The following RGS6 variants were observed in gnomAD, a reference collection of about 807,000 sequenced individuals.
RGS6 encodes the protein regulator of G-protein signaling 6.
Under a neutral mutation model 78.5 loss-of-function variants are expected in RGS6, and 30 were observed. The ratio of observed to expected loss-of-function variants is 0.38; its 90% CI spans 0.29 to 0.52. RGS6 has a LOEUF of 0.52. Among genes scored for constraint, RGS6 ranks in the 20% least tolerant of loss-of-function variants. RGS6 has a pLI of 0.85. For synonymous variants in RGS6, 206 were observed against 206.0 expected, an observed-to-expected ratio of 1.00 and a Z score of 0.00; for missense variants, 495 against 609.7, an observed-to-expected ratio of 0.81 and a Z score of 1.98.
At chr14:72,052,502 C>G (rs2093310298) in intron 2 of RGS6, among the ~76,000 whole-genome samples, 1 of 152,184 alleles carries the variant, frequency 6.6e-6, no homozygotes, top group African/African-American at 2.4e-5. Context: ...CTTTCTGGAT[C>G]TACTTGTTTC....
chr14:71,886,098 C>T, the RGS6 span, among the ~76,000 whole-genome samples: 1 of 152,066 alleles, frequency 6.6e-6, no homozygotes, highest in Admixed American at 6.6e-5. Flanking sequence ...CATATCATCC[C>T]TTGCTTGTCA....
At chr14:71,961,396 T>C (rs4902959) in intron 1 of RGS6, among the ~76,000 whole-genome samples, 143,109 of 152,248 alleles carry the variant, frequency 0.94, 67,362 homozygotes, top group East Asian at 0.99. Context: ...GTTCTGATAG[T>C]TGGTTAGTTG....
chr14:71,913,644 G>A, the RGS6 span, among the ~76,000 whole-genome samples: 3 of 152,194 alleles, frequency 2.0e-5, no homozygotes, highest in African/African-American at 7.2e-5. Flanking sequence ...TGAGACTTAC[G>A]AAGGAAGTGA....
At chr14:71,891,611 C>A in the RGS6 span, among the ~76,000 whole-genome samples, 2 of 152,178 alleles carry the variant, frequency 1.3e-5, no homozygotes, top group Non-Finnish European at 1.5e-5. Context: ...GGCCCACCCA[C>A]CCTCAAGGGG....
At chr14:72,094,492 C>T (rs991751561) in intron 2 of RGS6, among the ~76,000 whole-genome samples, 5 of 152,124 alleles carry the variant, frequency 3.3e-5, no homozygotes, top group Admixed American at 2.6e-4. Context: ...AGGGATCTTA[C>T]TGTATTTGCA....
intron 2 of RGS6, among the ~76,000 whole-genome samples, chr14:72,072,529 G>C (rs189889389): frequency 6.6e-6 from 1 of 151,942 alleles, no homozygotes; most frequent in South Asian, 2.1e-4. Context: ...GGATGGTGTC[G>C]ATCTCCTGAC....
downstream of RGS6, among the ~76,000 whole-genome samples, chr14:72,569,723 T>C (rs77205409): frequency 0.14 from 21,175 of 151,678 alleles, 2,663 homozygotes; most frequent in African/African-American, 0.33. Context: ...AGGGAACGAA[T>C]GAACAAGGAG....
At chr14:71,887,978 A>G in the RGS6 span, among the ~76,000 whole-genome samples, 1 of 152,018 alleles carries the variant, frequency 6.6e-6, no homozygotes, top group East Asian at 1.9e-4. Context: ...CTGGTCTGAG[A>G]CTCAAGCGGG....
At chr14:72,470,659 C>T (rs569172310) in intron 8 of RGS6, among the ~76,000 whole-genome samples, 1 of 151,940 alleles carries the variant, frequency 6.6e-6, no homozygotes, top group African/African-American at 2.4e-5. Flanking sequence ...GGGGGTGGAT[C>T]ACCTGAGGTC....
intron 2 of RGS6, among the ~76,000 whole-genome samples, chr14:72,147,620 C>T (rs2096622893): frequency 6.6e-6 from 1 of 152,166 alleles, no homozygotes; most frequent in Non-Finnish European, 1.5e-5. Flanking sequence ...TTGGAGAACA[C>T]ATTCAAATCG....
chr14:72,310,271 C>T (rs931453640), intron 2 of RGS6, among the ~76,000 whole-genome samples: 1 of 152,250 alleles, frequency 6.6e-6, no homozygotes, highest in African/African-American at 2.4e-5. Flanking sequence ...GATACAGCAG[C>T]AGCGGCGTCA....
the RGS6 span, among the ~76,000 whole-genome samples, chr14:72,616,520 A>G: frequency 5.9e-5 from 9 of 152,188 alleles, no homozygotes; most frequent in East Asian, 9.6e-4. Flanking sequence ...GAAGGCGGAC[A>G]TGGAAAACAT....
chr14:72,322,224 A>C (rs1174108336), intron 2 of RGS6, among the ~76,000 whole-genome samples: 1 of 152,064 alleles, frequency 6.6e-6, no homozygotes, highest in Non-Finnish European at 1.5e-5. Flanking sequence ...ATAAAAGCAG[A>C]AAATAGGAAA....
At chr14:72,057,103 C>T (rs1203188444) in intron 2 of RGS6, among the ~76,000 whole-genome samples, 1 of 151,944 alleles carries the variant, frequency 6.6e-6, no homozygotes, top group Non-Finnish European at 1.5e-5. Context: ...CACTTGAGGT[C>T]AGGAGTTCGA....
At chr14:72,103,553 A>G (rs2095569463) in intron 2 of RGS6, among the ~76,000 whole-genome samples, 1 of 152,230 alleles carries the variant, frequency 6.6e-6, no homozygotes, top group Non-Finnish European at 1.5e-5. Context: ...TTGTATATGC[A>G]ACAACTTAGG....
intron 2 of RGS6, among the ~76,000 whole-genome samples, chr14:72,302,897 C>T (rs937445377): frequency 2.0e-5 from 3 of 152,130 alleles, no homozygotes; most frequent in Non-Finnish European, 1.5e-5. Context: ...ATGCTGTTCT[C>T]GTGATAGTGA....
At chr14:71,904,002 T>G in the RGS6 span, among the ~76,000 whole-genome samples, 1 of 152,290 alleles carries the variant, frequency 6.6e-6, no homozygotes, top group South Asian at 2.1e-4. Flanking sequence ...TAATATCATA[T>G]CTATATGTAA....
chr14:72,149,696 G>C (rs1212825238), intron 2 of RGS6, among the ~76,000 whole-genome samples: 3 of 152,162 alleles, frequency 2.0e-5, no homozygotes, highest in Non-Finnish European at 4.4e-5. Context: ...ACAGTGACTG[G>C]CATGGGATAG....
intron 2 of RGS6, among the ~76,000 whole-genome samples, chr14:72,039,477 A>C (rs766371272): frequency 2.0e-5 from 3 of 152,122 alleles, no homozygotes; most frequent in Non-Finnish European, 2.9e-5. Flanking sequence ...GTTTTGACTT[A>C]AAATCTATTT....
Sources: gnomAD v4.1 joint callset for allele counts (sites outside exome capture counted in the v4.1 genomes callset) on GRCh38, gnomAD v4.1.1 for gene constraint, MANE v1.5 for transcripts, NCBI Gene and HGNC (gene_info 2026-07-23, HGNC 2026-07-21) for gene names.